The following WWOX variants were observed in gnomAD, a reference collection of about 807,000 sequenced individuals.
WWOX encodes WW domain containing oxidoreductase, also known as WW domain-containing oxidoreductase.
In WWOX, 69 loss-of-function variants were observed where a neutral mutation model predicts 46.2. The ratio of observed to expected loss-of-function variants is 1.49; its 90% CI spans 1.23 to 1.82. The LOEUF is 1.82. Ranked by LOEUF, WWOX falls within the 40% of genes most tolerant of loss-of-function variation. The probability of loss-of-function intolerance (pLI) is 0.00; values close to 1 mark genes in which losing one functional copy is unlikely to be tolerated. For synonymous variants in WWOX, 359 were observed against 202.6 expected, an observed-to-expected ratio of 1.77 and a Z score of -6.56; for missense variants, 919 against 542.6, an observed-to-expected ratio of 1.69 and a Z score of -6.89.
intron 8 of WWOX, among the ~76,000 whole-genome samples, chr16:78,779,486 T>G (rs1427624120): frequency 6.6e-6 from 1 of 152,182 alleles, no homozygotes; most frequent in Non-Finnish European, 1.5e-5. Flanking sequence ...AAAGAGTGTT[T>G]CTGCCACTGC....
chr16:78,218,668 C>T (rs1213171962), intron 5 of WWOX, among the ~76,000 whole-genome samples: 4 of 152,156 alleles, frequency 2.6e-5, no homozygotes, highest in South Asian at 2.1e-4. Flanking sequence ...TGATGTGTAG[C>T]GTGGTCTCCA....
intron 8 of WWOX, among the ~76,000 whole-genome samples, chr16:78,873,932 A>C (rs765867677): frequency 1.3e-5 from 2 of 152,062 alleles, no homozygotes; most frequent in Non-Finnish European, 1.5e-5. Context: ...TCTAGTGGCC[A>C]TTGAAAATGT....
chr16:78,909,221 G>C (rs1427264672), intron 8 of WWOX, among the ~76,000 whole-genome samples: 1 of 150,120 alleles, frequency 6.7e-6, no homozygotes, highest in Admixed American at 6.6e-5. Context: ...ATAACAGCCA[G>C]TCGTTCATGT....
chr16:79,021,547 C>T lies in WWOX; in HGVS notation c.1057-190061C>T, dbSNP rs966842345. On this transcript the variant is annotated intron_variant, in intron 8 of 8. Coordinates refer to ENST00000566780, the MANE Select transcript of WWOX (RefSeq NM_016373.4). ...CCCATTAAAGAACACAGCTCATGGT[C>T]GGTCCATTAACTACTAATTATCAAA... 2.2e-4 allele frequency among the ~76,000 whole-genome samples: 33 copies of T among 152,074 alleles called. 1 individual carries two copies. Among genetic ancestry groups the T allele is most frequent in the East Asian group, 1.9e-4 (1 of 5,188 alleles).
intron 8 of WWOX, among the ~76,000 whole-genome samples, chr16:78,511,269 C>G (rs1323527936): frequency 6.6e-6 from 1 of 152,320 alleles, no homozygotes; most frequent in East Asian, 1.9e-4. Context: ...GTCACCATGT[C>G]TTTTCCCTTC....
At chr16:78,373,948 G>T (rs2081756248) in intron 5 of WWOX, among the ~76,000 whole-genome samples, 2 of 151,946 alleles carry the variant, frequency 1.3e-5, no homozygotes, top group African/African-American at 4.8e-5. Flanking sequence ...CACCAGGCCC[G>T]GCCAATTTTT....
intron 5 of WWOX, among the ~76,000 whole-genome samples, chr16:78,196,048 C>G (rs867641057): frequency 1.3e-5 from 2 of 152,076 alleles, no homozygotes. Context: ...TGCCTTATCT[C>G]GATGATGGGC....
chr16:78,486,399 T>G (rs2084637659), intron 8 of WWOX, among the ~76,000 whole-genome samples: 1 of 152,230 alleles, frequency 6.6e-6, no homozygotes, highest in Non-Finnish European at 1.5e-5. Flanking sequence ...TTTTACCTTT[T>G]TAATATAGCT....
chr16:78,701,769 T>C (rs2142296203), intron 8 of WWOX, among the ~76,000 whole-genome samples: 1 of 151,944 alleles, frequency 6.6e-6, no homozygotes, highest in Middle Eastern at 3.4e-3. Context: ...AGTGGGCCCT[T>C]GCTCTGAGAT....
chr16:78,908,989 G>T (rs115173075), intron 8 of WWOX, among the ~76,000 whole-genome samples: 4,091 of 152,268 alleles, frequency 0.027, 197 homozygotes, highest in East Asian at 0.18. Context: ...AGGCAGTCTA[G>T]TCCCCAGGCA....
intron 8 of WWOX, among the ~76,000 whole-genome samples, chr16:78,985,674 C>G (rs138704509): frequency 6.5e-4 from 99 of 152,268 alleles, no homozygotes; most frequent in African/African-American, 2.3e-3. Context: ...GAGGCTGAGG[C>G]AGGAGAATTG....
At chr16:78,711,732 A>G (rs1213375522) in intron 8 of WWOX, among the ~76,000 whole-genome samples, 1 of 152,162 alleles carries the variant, frequency 6.6e-6, no homozygotes, top group African/African-American at 2.4e-5. Flanking sequence ...TCCAATTCCC[A>G]TGTTAGTGCT....
intron 8 of WWOX, among the ~76,000 whole-genome samples, chr16:79,003,506 G>T (rs890605614): frequency 6.6e-6 from 1 of 152,188 alleles, no homozygotes; most frequent in Non-Finnish European, 1.5e-5. Flanking sequence ...TTCTGGGTCA[G>T]GACTCTGGAT....
chr16:78,655,647 T>C (rs2047063923), intron 8 of WWOX, among the ~76,000 whole-genome samples: 2 of 152,172 alleles, frequency 1.3e-5, no homozygotes, highest in South Asian at 2.1e-4. Context: ...TTTGGAATTA[T>C]ACGGTCATTT....
At chr16:78,690,531 G>A (rs138189500) in intron 8 of WWOX, among the ~76,000 whole-genome samples, 235 of 152,202 alleles carry the variant, frequency 1.5e-3, no homozygotes, top group African/African-American at 5.1e-3. Flanking sequence ...CAGCCTGGGC[G>A]ACAGAATGAG....
chr16:78,978,753 A>G lies in WWOX; in HGVS notation c.1057-232855A>G, dbSNP rs550515344. Among the ~76,000 whole-genome samples the G allele has an allele frequency of 3.9e-5, 6 of 152,262 alleles. No individual in the cohort carries two copies. The South Asian group carries it at 6.2e-4, about 16-fold the overall frequency. On this transcript the variant is annotated intron_variant, in intron 8 of 8. Transcript: ENST00000566780. Reference sequence around the variant, plus strand: ...TTTTCAACCACCGAATCGCATGAGAACTCTCTCACTGGGACAACACCAAGG... The same window carrying G: ...TTTTCAACCACCGAATCGCATGAGAGCTCTCTCACTGGGACAACACCAAGG...
Position 78,408,393 on chromosome 16 carries a change from T to A in WWOX, c.606-16477T>A, listed in dbSNP as rs554317306. 4.6e-5 allele frequency among the ~76,000 whole-genome samples: 7 copies of A among 152,312 alleles called. No individual in the cohort carries two copies. In the South Asian group the frequency reaches 1.5e-3, roughly 32 times the overall value. On this transcript the variant is annotated intron_variant, in intron 6 of 8. Coordinates refer to ENST00000566780, the MANE Select transcript of WWOX (RefSeq NM_016373.4). ...CAGACCCAGCCACATGGGGCAACTTTACTGCCTTCAGGTAGGGGAACCACC... is the reference window on the plus strand; with the variant it reads ...CAGACCCAGCCACATGGGGCAACTTAACTGCCTTCAGGTAGGGGAACCACC...
intron 8 of WWOX, among the ~76,000 whole-genome samples, chr16:78,842,690 C>G (rs2052189801): frequency 6.6e-6 from 1 of 151,832 alleles, no homozygotes; most frequent in South Asian, 2.1e-4. Flanking sequence ...ATAGTGTGAC[C>G]CCATTTCTAC....
chr16:78,411,402 T>C (rs889617977), intron 6 of WWOX, among the ~76,000 whole-genome samples: 14 of 152,120 alleles, frequency 9.2e-5, no homozygotes, highest in African/African-American at 2.9e-4. Flanking sequence ...TGAAATAATA[T>C]TTGAGCAAAA....
Sources: gnomAD v4.1 joint callset for allele counts (sites outside exome capture counted in the v4.1 genomes callset) on GRCh38, gnomAD v4.1.1 for gene constraint, MANE v1.5 for transcripts, NCBI Gene and HGNC (gene_info 2026-07-23, HGNC 2026-07-21) for gene names.